TLN2: variants seen among roughly 807,000 people sequenced by gnomAD.
TLN2 encodes the protein talin 2, also known as talin-2.
A neutral mutation model predicts 294.7 loss-of-function variants in TLN2; 118 were observed. The observed-to-expected ratio is 0.40, with a 90% CI of 0.34 to 0.47. The LOEUF is 0.47. Ranked by LOEUF, TLN2 falls within the 20% of genes least tolerant of loss-of-function variation. The pLI is 0.84. For missense variants in TLN2, 3,083 were observed against 3,282.2 expected (o/e 0.94, Z 1.48); for synonymous variants, 1,431 against 1,304.5 (o/e 1.10, Z -2.09).
chr15:62,406,575 T>G (rs1209752604), intron 1 of TLN2, among the ~76,000 whole-genome samples: 2 of 152,098 alleles, frequency 1.3e-5, no homozygotes, highest in African/African-American at 4.8e-5. Flanking sequence ...GATTAAGGAG[T>G]GACTTATGCG....
chr15:62,549,475 G>GCCAT (rs774084813), intron 1 of TLN2, among the ~76,000 whole-genome samples: 19,691 of 125,004 alleles, frequency 0.16, 1,373 homozygotes, highest in African/African-American at 0.21. Flanking sequence ...TGCCATGCAT[G>GCCAT]CCATGCATCC....
rs73429724 is a variant in TLN2, at chr15:62,533,637, A to G, written c.-237-56050A>G. On this transcript the variant is annotated intron_variant, in intron 1 of 58. Coordinates refer to ENST00000636159, the MANE Select transcript of TLN2 (RefSeq NM_015059.3). ...TTCTTTCTCATCTCATGGGTTACTT[A>G]AAGAAGTGAAATTTACCCCCCATAA... Among the ~76,000 whole-genome samples the G allele has an allele frequency of 6.9e-3, 1,051 of 152,156 alleles. 11 individuals are homozygous for G. Among genetic ancestry groups the G allele is most frequent in the African/African-American group, 0.024 (1,003 of 41,444 alleles).
intron 55 of TLN2, 54 bp downstream of exon 55, chr15:62,833,683 G>C (rs1276436355): frequency 3.2e-6 from 5 of 1,581,598 alleles, no homozygotes; most frequent in Non-Finnish European, 4.3e-6. Context: ...GAGCCTCAGG[G>C]GGCCCAGGAA....
intron 1 of TLN2, among the ~76,000 whole-genome samples, chr15:62,402,777 C>T (rs563655703): frequency 6.6e-6 from 1 of 152,316 alleles, no homozygotes; most frequent in South Asian, 2.1e-4. Context: ...CTACTTTCAT[C>T]ATCTTCCTAT....
intron 14 of TLN2, among the ~76,000 whole-genome samples, chr15:62,695,358 C>T (rs2058253231): frequency 6.6e-6 from 1 of 152,220 alleles, no homozygotes; most frequent in Non-Finnish European, 1.5e-5. Context: ...GGGGACAATC[C>T]TGACCATTCT....
intron 1 of TLN2, among the ~76,000 whole-genome samples, chr15:62,511,898 G>C (rs1405680634): frequency 6.6e-6 from 1 of 152,036 alleles, no homozygotes; most frequent in African/African-American, 2.4e-5. Context: ...GTGTTTTTCT[G>C]AGAAGACACT....
intron 1 of TLN2, among the ~76,000 whole-genome samples, chr15:62,570,394 C>CT (rs2043769642): frequency 6.6e-6 from 1 of 152,244 alleles, no homozygotes. Context: ...TCTAGACCCT[C>CT]TTGTGTTCCT....
chr15:62,431,023 C>G (rs1181515085), intron 1 of TLN2, among the ~76,000 whole-genome samples: 1 of 151,884 alleles, frequency 6.6e-6, no homozygotes, highest in African/African-American at 2.4e-5. Flanking sequence ...ATCTGAGAGA[C>G]TGATACCTTG....
At chr15:62,491,983 G>C (rs1346178439) in intron 1 of TLN2, among the ~76,000 whole-genome samples, 2 of 151,820 alleles carry the variant, frequency 1.3e-5, no homozygotes, top group East Asian at 3.9e-4. Flanking sequence ...TATTAGTGGG[G>C]GCGTCTTTTT....
intron 7 of TLN2, among the ~76,000 whole-genome samples, chr15:62,654,754 C>CAA (rs59006343): frequency 0.022 from 748 of 33,852 alleles, 100 homozygotes; most frequent in Middle Eastern, 0.053. Context: ...GACTCTGCCT[C>CAA]AAAAAAAAAA....
intron 1 of TLN2, among the ~76,000 whole-genome samples, chr15:62,448,211 A>G (rs1230154276): frequency 6.6e-6 from 1 of 152,186 alleles, no homozygotes; most frequent in Non-Finnish European, 1.5e-5. Flanking sequence ...GGCTTGGGTG[A>G]TCTATGTGCT....
At chr15:62,830,567 T>TG (rs60543908) in intron 54 of TLN2, 31,982 of 152,172 alleles carry the variant, frequency 0.21, 3,620 homozygotes, top group South Asian at 0.4. Flanking sequence ...CTGGAACTGA[T>TG]GGGGCACCTG....
At chr15:62,667,239 T>G (rs1334171152) in intron 9 of TLN2, among the ~76,000 whole-genome samples, 1 of 152,242 alleles carries the variant, frequency 6.6e-6, no homozygotes, top group Non-Finnish European at 1.5e-5. Context: ...GTGCTGGGAT[T>G]ACAGGCGTGA....
chr15:62,546,142 GGA>G, intron 1 of TLN2, among the ~76,000 whole-genome samples: 1 of 152,294 alleles, frequency 6.6e-6, no homozygotes, highest in Non-Finnish European at 1.5e-5. Context: ...GGCACAGTGT[GGA>G]GAGGGAGGTC....
intron 3 of TLN2, among the ~76,000 whole-genome samples, chr15:62,644,290 C>T (rs1401149668): frequency 6.6e-6 from 1 of 152,038 alleles, no homozygotes; most frequent in South Asian, 2.1e-4. Context: ...TGTGCTTTCT[C>T]CTGGGTTCTA....
intron 1 of TLN2, among the ~76,000 whole-genome samples, chr15:62,543,219 G>C (rs987292470): frequency 6.6e-6 from 1 of 152,168 alleles, no homozygotes; most frequent in African/African-American, 2.4e-5. Context: ...GAAGCCTTTG[G>C]TCTTAAGTCA....
intron 1 of TLN2, among the ~76,000 whole-genome samples, chr15:62,399,856 G>T (rs941351395): frequency 3.4e-4 from 51 of 152,170 alleles, no homozygotes; most frequent in African/African-American, 8.9e-4. Context: ...TCTCAGATTA[G>T]ACTTTGGACC....
At chr15:62,560,944 G>A (rs1004234266) in intron 1 of TLN2, among the ~76,000 whole-genome samples, 3 of 152,242 alleles carry the variant, frequency 2.0e-5, no homozygotes, top group Admixed American at 2.0e-4. Flanking sequence ...GCCCACTTGC[G>A]TGGCTCTTTC....
intron 1 of TLN2, among the ~76,000 whole-genome samples, chr15:62,473,891 C>T (rs746332548): frequency 2.0e-5 from 3 of 152,102 alleles, no homozygotes; most frequent in African/African-American, 7.2e-5. Flanking sequence ...GTCAGGAGTT[C>T]GAGACCAGCC....
Sources: allele counts gnomAD v4.1 joint callset (sites outside exome capture counted in the v4.1 genomes callset), GRCh38; gene constraint gnomAD v4.1.1; transcripts MANE v1.5; gene names NCBI Gene and HGNC (gene_info 2026-07-23, HGNC 2026-07-21).